DPP10: variants seen among roughly 807,000 people sequenced by gnomAD.
DPP10 encodes dipeptidyl peptidase like 10.
In DPP10, 33 loss-of-function variants were observed where a neutral mutation model predicts 120.9. The observed-to-expected ratio is 0.27, with a 90% CI of 0.21 to 0.37. The LOEUF is 0.37. Among genes scored for constraint, DPP10 ranks in the 10% least tolerant of loss-of-function variants. DPP10 has a pLI of 1.00. For missense variants in DPP10, 816 were observed against 942.8 expected (o/e 0.87, Z 1.76); for synonymous variants, 337 against 326.1 (o/e 1.03, Z -0.36).
chr2:114,913,467 C>A (rs1469174858), intron 1 of DPP10, among the ~76,000 whole-genome samples: 1 of 152,154 alleles, frequency 6.6e-6, no homozygotes, highest in Non-Finnish European at 1.5e-5. Flanking sequence ...AGGGTTAGAG[C>A]ACAAATCCTA....
At chr2:115,440,207 A>G (rs1490457856) in intron 3 of DPP10, among the ~76,000 whole-genome samples, 1 of 151,996 alleles carries the variant, frequency 6.6e-6, no homozygotes, top group African/African-American at 2.4e-5. Flanking sequence ...ATTATATGAA[A>G]AGTGAAGTTG....
intron 1 of DPP10, among the ~76,000 whole-genome samples, chr2:115,288,243 CTTG>C (rs1235116001): frequency 2.0e-5 from 3 of 151,592 alleles, no homozygotes; most frequent in East Asian, 1.9e-4. Context: ...AAGGTGGTAT[CTTG>C]TTGTGGTTTT....
At chr2:115,799,099 T>C (rs1684870747) in intron 19 of DPP10, among the ~76,000 whole-genome samples, 1 of 152,082 alleles carries the variant, frequency 6.6e-6, no homozygotes, top group Non-Finnish European at 1.5e-5. Context: ...GGTTCCAATA[T>C]ATTGCTAAGA....
chr2:115,540,816 T>C (rs192980273), intron 5 of DPP10, among the ~76,000 whole-genome samples: 6 of 152,014 alleles, frequency 3.9e-5, no homozygotes, highest in African/African-American at 1.4e-4. Flanking sequence ...TCATAAAGAA[T>C]AGAAGAGCAC....
chr2:114,592,970 G>T (rs1348967248), intron 1 of DPP10, among the ~76,000 whole-genome samples: 1 of 152,082 alleles, frequency 6.6e-6, no homozygotes, highest in Non-Finnish European at 1.5e-5. Context: ...GGTTTATTTA[G>T]AATTTCATTT....
chr2:114,456,007 T>A (rs1238448782), intron 1 of DPP10, among the ~76,000 whole-genome samples: 2 of 152,184 alleles, frequency 1.3e-5, no homozygotes, highest in Non-Finnish European at 2.9e-5. Context: ...AATATCTAAC[T>A]TAAGGGTACT....
chr2:115,367,819 G>A (rs1267322606), intron 3 of DPP10, among the ~76,000 whole-genome samples: 5 of 151,836 alleles, frequency 3.3e-5, no homozygotes, highest in Non-Finnish European at 2.9e-5. Context: ...AATAAAACTA[G>A]TTTTAGTATT....
At chr2:115,122,640 T>C (rs763269815) in intron 1 of DPP10, among the ~76,000 whole-genome samples, 11 of 152,204 alleles carry the variant, frequency 7.2e-5, no homozygotes, top group Admixed American at 1.3e-4. Context: ...TGTGGACATA[T>C]AAATAACAAA....
chr2:115,318,183 A>G (rs2061889624), intron 2 of DPP10, among the ~76,000 whole-genome samples: 1 of 152,088 alleles, frequency 6.6e-6, no homozygotes, highest in South Asian at 2.1e-4. Flanking sequence ...ACCCAGCACC[A>G]TTTATTGAAG....
At chr2:114,900,217 C>G (rs1377054673) in intron 1 of DPP10, among the ~76,000 whole-genome samples, 1 of 152,168 alleles carries the variant, frequency 6.6e-6, no homozygotes, top group Non-Finnish European at 1.5e-5. Flanking sequence ...CTTACCAAAA[C>G]AAGGTAAAAT....
chr2:115,206,308 T>C (rs745322244), intron 1 of DPP10, among the ~76,000 whole-genome samples: 8 of 152,126 alleles, frequency 5.3e-5, no homozygotes, highest in Non-Finnish European at 8.8e-5. Context: ...TTTTAAACAA[T>C]CTATAGCACC....
At chr2:115,803,528 C>G (rs1449323160) in intron 19 of DPP10, among the ~76,000 whole-genome samples, 1 of 152,130 alleles carries the variant, frequency 6.6e-6, no homozygotes, top group African/African-American at 2.4e-5. Flanking sequence ...TCCTAGTCTT[C>G]ATGGTCTTTA....
chr2:115,145,698 G>A (rs536087330), intron 1 of DPP10, among the ~76,000 whole-genome samples: 1 of 152,080 alleles, frequency 6.6e-6, no homozygotes, highest in Non-Finnish European at 1.5e-5. Context: ...TACGGTAAGA[G>A]TATATTTAGT....
intron 21 of DPP10, 27 bp from the exon 22 acceptor site, chr2:115,836,130 A>G (rs979843210): frequency 1.8e-5 from 20 of 1,112,700 alleles, no homozygotes; most frequent in East Asian, 8.4e-5. Context: ...ATATATATAT[A>G]TATATATATA....
chr2:114,846,543 C>G (rs1296244090), intron 1 of DPP10, among the ~76,000 whole-genome samples: 2 of 151,788 alleles, frequency 1.3e-5, no homozygotes, highest in Admixed American at 6.6e-5. Context: ...TGCAGTTTTA[C>G]TGTTTCCTAA....
intron 1 of DPP10, among the ~76,000 whole-genome samples, chr2:114,673,392 G>A (rs1698473552): frequency 6.6e-6 from 1 of 151,990 alleles, no homozygotes; most frequent in Admixed American, 6.6e-5. Context: ...CATCCAACAG[G>A]AAAGATTTAG....
rs1247488020 is a variant in DPP10 at position 115,836,269 on chromosome 2, T to C, written c.2050+13T>C. On this transcript the variant is annotated intron_variant, in intron 22 of 25. Transcript: ENST00000410059. ...TTGAAATTGTATGGTGAGTACTTTCTACAGACTGACCTAGTATAATGTATT... is the reference window on the plus strand; with the variant it reads ...TTGAAATTGTATGGTGAGTACTTTCCACAGACTGACCTAGTATAATGTATT... 8 of 1,589,404 alleles carry C rather than the reference T, an allele frequency of 5.0e-6. No individual in the cohort carries two copies. Among genetic ancestry groups the C allele is most frequent in the Non-Finnish European group, 6.9e-6 (8 of 1,166,304 alleles).
intron 5 of DPP10, among the ~76,000 whole-genome samples, chr2:115,549,798 G>C (rs139398147): frequency 6.6e-6 from 1 of 152,114 alleles, no homozygotes; most frequent in Non-Finnish European, 1.5e-5. Flanking sequence ...TGATATGCAA[G>C]CTCTGGCTTG....
chr2:115,261,086 A>G (rs2059231203), intron 1 of DPP10, among the ~76,000 whole-genome samples: 1 of 152,238 alleles, frequency 6.6e-6, no homozygotes, highest in South Asian at 2.1e-4. Context: ...TTAGTGGAAT[A>G]TAATTATGAG....
Sources: allele counts gnomAD v4.1 joint callset (sites outside exome capture counted in the v4.1 genomes callset), GRCh38; gene constraint gnomAD v4.1.1; transcripts MANE v1.5; gene names NCBI Gene and HGNC (gene_info 2026-07-23, HGNC 2026-07-21).